Variants in FGF2 observed in about 807,000 individuals in gnomAD.
FGF2 encodes the protein basic fibroblast growth factor bFGF.
A neutral mutation model predicts 15.9 loss-of-function variants in FGF2; 13 were observed. The observed-to-expected ratio is 0.82, with a 90% CI of 0.53 to 1.30. The LOEUF (loss-of-function observed/expected upper bound fraction) is 1.30, where lower values mean the gene tolerates loss of function less well. FGF2 is among the 50% of genes most tolerant of loss of function. The pLI, the probability that FGF2 is intolerant of heterozygous loss-of-function variation, is 0.00. For missense variants in FGF2, 163 were observed against 196.9 expected, an observed-to-expected ratio of 0.83 and a Z score of 1.03; for synonymous variants, 90 against 78.4, an observed-to-expected ratio of 1.15 and a Z score of -0.78.
At chr4:122,859,022 G>A (rs1011267583) in intron 1 of FGF2, among the ~76,000 whole-genome samples, 12 of 152,166 alleles carry the variant, frequency 7.9e-5, no homozygotes, top group African/African-American at 2.9e-4. Context: ...AAGATGTCAG[G>A]TTATGTGAGT....
In FGF2 at chr4:122,876,318, C is replaced by T. The variant is rs753483962; in HGVS notation, c.179-3C>T. The T allele has an allele frequency of 2.5e-5, 39 of 1,590,880 alleles. No individual in the cohort carries two copies. The highest frequency in any genetic ancestry group is 3.1e-5 in the Non-Finnish European group (36 of 1,159,178). On this transcript the variant is annotated splice_polypyrimidine_tract_variant and splice_region_variant and intron_variant, in intron 1 of 2. Coordinates refer to ENST00000644866, the MANE Select transcript of FGF2 (RefSeq NM_001361665.2). ...ACAAAGATAATTTTTTTTCCCGTTA[C>T]AGTCAAGCTACAACTTCAAGCAGAA...
intron 2 of FGF2, chr4:122,882,533 T>C (rs913018044): frequency 6.6e-6 from 1 of 152,250 alleles, no homozygotes; most frequent in Admixed American, 6.5e-5. Context: ...TGAAAGTTAG[T>C]CTTAAATGTG....
intron 2 of FGF2, chr4:122,882,310 A>C (rs539584056): frequency 6.6e-6 from 1 of 152,346 alleles, no homozygotes; most frequent in African/African-American, 2.4e-5. Context: ...ATGAAAACAG[A>C]AATTGCTCTA....
chr4:122,874,903 T>A (rs1221649475), intron 1 of FGF2, among the ~76,000 whole-genome samples: 1 of 152,160 alleles, frequency 6.6e-6, no homozygotes, highest in Non-Finnish European at 1.5e-5. Context: ...TTTCTAAAAT[T>A]GCATTTTTTT....
intron 1 of FGF2, among the ~76,000 whole-genome samples, chr4:122,867,320 TAAAAC>T (rs915659572): frequency 3.9e-5 from 6 of 152,148 alleles, no homozygotes; most frequent in Admixed American, 3.9e-4. Flanking sequence ...CTATAACAGG[TAAAAC>T]AAACAAAGGA....
At chr4:122,865,267 CTCTG>C (rs766119379) in intron 1 of FGF2, among the ~76,000 whole-genome samples, 87 of 148,174 alleles carry the variant, frequency 5.9e-4, no homozygotes, top group African/African-American at 9.4e-4. Context: ...GATTTATTTT[CTCTG>C]TTTTTTTTTG....
chr4:122,826,878 G>C lies in FGF2; in HGVS notation c.-297G>C. The C allele has an allele frequency of 1.3e-6, 2 of 1,525,734 alleles. No individual in the cohort carries two copies. The highest frequency in any genetic ancestry group is 1.4e-5 in the African/African-American group (1 of 70,406). The allele number at this position is 1,525,734 out of a possible 1,614,324, so 94.5% of individuals were successfully genotyped here. A position where few individuals can be genotyped will look rare whatever the true frequency, so the allele number is the denominator to read the frequency against. ...CCGCGGTTGCAACGGGATCCCGGGC[G>C]CTGCAGCTTGGGAGGCGGCTCTCCC... On this transcript the variant is annotated 5_prime_UTR_variant, in exon 1 of 3. Transcript: ENST00000644866.
chr4:122,897,667 CA>C lies in FGF2; in HGVS notation c.*5272del. ...CTGACAGGCCTCCTGGAAACTTCCA[CA>C]TATTTTTCAACTGCAGTATAAAGTC... is the stretch of plus-strand genomic sequence containing the variant. On this transcript the variant is annotated 3_prime_UTR_variant, in exon 3 of 3. Transcript: ENST00000644866. The C allele has an allele frequency of 6.2e-7, 1 of 1,607,444 alleles. No individual in the cohort carries two copies. The highest frequency in any genetic ancestry group is 8.5e-7 in the Non-Finnish European group (1 of 1,174,014).
At chr4:122,856,990 T>C (rs542629985) in intron 1 of FGF2, among the ~76,000 whole-genome samples, 1 of 152,268 alleles carries the variant, frequency 6.6e-6, no homozygotes, top group South Asian at 2.1e-4. Flanking sequence ...GTTGATGCGT[T>C]TTGTAGGTGG....
intron 1 of FGF2, among the ~76,000 whole-genome samples, chr4:122,874,264 A>G (rs1408143766): frequency 6.6e-6 from 1 of 152,244 alleles, no homozygotes; most frequent in Non-Finnish European, 1.5e-5. Flanking sequence ...TTGATTAAAA[A>G]CAAAGCTTAT....
In FGF2 at chr4:122,849,711, A is replaced by G. The variant is rs927489993; in HGVS notation, c.178+22359A>G. ...CATTGAGGGACTTCATGTCTGTGAT[A>G]TTCAGTAATTTCTTTGAAGTAGGAG... On this transcript the variant is annotated intron_variant, in intron 1 of 2. Coordinates refer to ENST00000644866, the MANE Select transcript of FGF2 (RefSeq NM_001361665.2). Among the ~76,000 whole-genome samples, 21 of 152,196 alleles carry G rather than the reference A, an allele frequency of 1.4e-4. 1 individual carries two copies. Among genetic ancestry groups the G allele is most frequent in the Non-Finnish European group, 1.5e-4 (10 of 68,032 alleles).
At chr4:122,829,322 TG>T (rs1279341662) in intron 1 of FGF2, among the ~76,000 whole-genome samples, 3 of 152,198 alleles carry the variant, frequency 2.0e-5, no homozygotes, top group Non-Finnish European at 4.4e-5. Flanking sequence ...GAGACATTTT[TG>T]GTTGCTGTAA....
intron 2 of FGF2, chr4:122,889,000 T>G (rs570098006): frequency 1.3e-5 from 2 of 152,268 alleles, no homozygotes; most frequent in African/African-American, 4.8e-5. Flanking sequence ...AGTGTATTAT[T>G]TAAACTCTAT....
intron 2 of FGF2, chr4:122,882,719 A>G (rs1444198527): frequency 6.6e-6 from 1 of 152,240 alleles, no homozygotes; most frequent in East Asian, 1.9e-4. Flanking sequence ...CCTTTGAGGA[A>G]TGGCATGACC....
chr4:122,889,773 G>A (rs1211081083), intron 2 of FGF2, among the ~76,000 whole-genome samples: 1 of 151,988 alleles, frequency 6.6e-6, no homozygotes, highest in African/African-American at 2.4e-5. Flanking sequence ...GTTCTATCAT[G>A]TATCCACTTA....
chr4:122,889,579 C>G (rs12503378), intron 2 of FGF2, among the ~76,000 whole-genome samples: 25,564 of 151,872 alleles, frequency 0.17, 2,547 homozygotes, highest in East Asian at 0.45. Flanking sequence ...AAATTTTGGC[C>G]CTACTACTCA....
In FGF2 at chr4:122,892,833, C is replaced by A. The variant is rs146460670; in HGVS notation, c.*437C>A. 2.5e-6 allele frequency: 4 copies of A among 1,592,400 alleles called. No homozygotes were observed. Among genetic ancestry groups the A allele is most frequent in the East Asian group, 2.2e-5 (1 of 44,820 alleles). The stretch of plus-strand genomic sequence containing the variant: ...CTAAACATATAAATGTGAATTTAAT[C>A]AATTCCTTTCATAGTTTTATAATTC... On this transcript the variant is annotated 3_prime_UTR_variant, in exon 3 of 3. Transcript: ENST00000644866.
At chr4:122,871,572 A>G (rs1409482099) in intron 1 of FGF2, among the ~76,000 whole-genome samples, 1 of 151,970 alleles carries the variant, frequency 6.6e-6, no homozygotes, top group African/African-American at 2.4e-5. Context: ...GGGTTGTCAG[A>G]CACCCTATGC....
At chr4:122,859,970 G>T (rs1726427999) in intron 1 of FGF2, among the ~76,000 whole-genome samples, 1 of 152,060 alleles carries the variant, frequency 6.6e-6, no homozygotes, top group African/African-American at 2.4e-5. Flanking sequence ...CTTCTTGAAG[G>T]TCCCACTTGA....
Sources: allele counts gnomAD v4.1 joint callset (sites outside exome capture counted in the v4.1 genomes callset), GRCh38; gene constraint gnomAD v4.1.1; transcripts MANE v1.5; gene names NCBI Gene and HGNC (gene_info 2026-07-23, HGNC 2026-07-21).